The following UTRN variants were observed in gnomAD, a reference collection of about 807,000 sequenced individuals.
The protein encoded by UTRN is utrophin, also known as dystrophin-related protein 1.
In UTRN, 283 loss-of-function variants were observed where a neutral mutation model predicts 463.9. That is an observed-to-expected ratio of 0.61 (90% CI 0.55 to 0.67). The LOEUF is 0.67. UTRN is among the 30% of genes least tolerant of loss of function. UTRN has a pLI of 0.00. For synonymous variants in UTRN, 1,442 were observed against 1,431.5 expected, an observed-to-expected ratio of 1.01 and a Z score of -0.17; for missense variants, 3,922 against 4,084.3, an observed-to-expected ratio of 0.96 and a Z score of 1.08.
intron 2 of UTRN, among the ~76,000 whole-genome samples, chr6:144,325,023 C>A (rs1327979866): frequency 6.6e-6 from 1 of 152,138 alleles, no homozygotes; most frequent in African/African-American, 2.4e-5. Flanking sequence ...CACAGGAGAA[C>A]AGAGATTTAT....
chr6:144,521,838 T>C (rs989180464), intron 39 of UTRN, 142 bp from the exon 40 acceptor site: 2 of 380,078 alleles, frequency 5.3e-6, no homozygotes, highest in African/African-American at 2.1e-5. Context: ...AGGTTTATAA[T>C]ATAAAATATT....
intron 61 of UTRN, among the ~76,000 whole-genome samples, chr6:144,784,412 C>G (rs1476393813): frequency 3.9e-5 from 6 of 152,180 alleles, no homozygotes; most frequent in Admixed American, 2.0e-4. Context: ...TCGTCTTCTC[C>G]CTGTGTCTTC....
chr6:144,522,168 G>A lies in UTRN; in HGVS notation c.5730G>A (p.Leu1910=). Reference sequence around the variant, plus strand: ...ACTTCTCTTTTCAGGAAGACTCTCTGAAGGTAGACCTCTGGGCACTGTGTT... The same window carrying A: ...ACTTCTCTTTTCAGGAAGACTCTCTAAAGGTAGACCTCTGGGCACTGTGTT... ...YEDFSFQEDS[L]KNIKDQLDKL... The change falls in exon 40 of 75, where the codon CTG becomes CTA. Residue 1910 remains leucine (L), a synonymous_variant. Coordinates refer to ENST00000367545, the MANE Select transcript of UTRN (RefSeq NM_007124.3). 1 of 1,539,744 alleles carries A rather than the reference G, an allele frequency of 6.5e-7. No individual in the cohort carries two copies. Among genetic ancestry groups the A allele is most frequent in the Non-Finnish European group, 8.7e-7 (1 of 1,144,312 alleles).
chr6:144,730,545 A>G, intron 54 of UTRN, 59 bp downstream of exon 54: 1 of 1,460,278 alleles, frequency 6.8e-7, no homozygotes, highest in Non-Finnish European at 9.1e-7. Context: ...AAAAAACCCA[A>G]AATCAAGTAG....
intron 53 of UTRN, among the ~76,000 whole-genome samples, chr6:144,704,485 C>G (rs972297196): frequency 6.6e-6 from 1 of 152,144 alleles, no homozygotes; most frequent in African/African-American, 2.4e-5. Flanking sequence ...TGACACAGTA[C>G]AGAAAGGTGT....
At chr6:144,294,085 T>C (rs1404436812) in intron 2 of UTRN, among the ~76,000 whole-genome samples, 1 of 152,186 alleles carries the variant, frequency 6.6e-6, no homozygotes, top group East Asian at 1.9e-4. Context: ...GATTTATATT[T>C]TCTAAAGTTC....
intron 51 of UTRN, among the ~76,000 whole-genome samples, chr6:144,660,710 C>A (rs934075748): frequency 4.6e-5 from 7 of 152,218 alleles, no homozygotes; most frequent in Non-Finnish European, 1.0e-4. Flanking sequence ...CCGTGCACTG[C>A]CCTGTACAGC....
At chr6:144,658,514 G>A (rs1302212838) in intron 51 of UTRN, among the ~76,000 whole-genome samples, 1 of 151,952 alleles carries the variant, frequency 6.6e-6, no homozygotes. Context: ...TAGCCCTTTA[G>A]GAGATGCATA....
intron 23 of UTRN, 89 bp from the exon 24 acceptor site, chr6:144,473,631 G>T (rs1790889485): frequency 2.2e-6 from 2 of 897,514 alleles, no homozygotes; most frequent in Non-Finnish European, 1.7e-6. Flanking sequence ...GCTTTAAAAA[G>T]TTCCTTTGTT....
chr6:144,795,338 G>T (rs533588195), intron 63 of UTRN, among the ~76,000 whole-genome samples: 1 of 152,126 alleles, frequency 6.6e-6, no homozygotes, highest in Admixed American at 6.5e-5. Flanking sequence ...ACATACGTGC[G>T]CATGTGTCTT....
At chr6:144,681,549 C>T (rs935578354) in intron 52 of UTRN, among the ~76,000 whole-genome samples, 1 of 151,690 alleles carries the variant, frequency 6.6e-6, no homozygotes, top group Non-Finnish European at 1.5e-5. Flanking sequence ...GCTTTGGTGG[C>T]CTTTTGCCAG....
chr6:144,692,266 C>A (rs1210316687), intron 52 of UTRN, among the ~76,000 whole-genome samples: 1 of 152,120 alleles, frequency 6.6e-6, no homozygotes, highest in Admixed American at 6.5e-5. Flanking sequence ...TGTATATGTA[C>A]CACAGTTTTT....
At chr6:144,592,438 T>C (rs575074428) in intron 51 of UTRN, among the ~76,000 whole-genome samples, 61 of 152,228 alleles carry the variant, frequency 4.0e-4, no homozygotes, top group African/African-American at 1.4e-3. Context: ...TGGAGTAATC[T>C]CAGCTCACTG....
At chr6:144,600,361 T>C (rs1804116438) in intron 51 of UTRN, among the ~76,000 whole-genome samples, 1 of 152,226 alleles carries the variant, frequency 6.6e-6, no homozygotes, top group Non-Finnish European at 1.5e-5. Flanking sequence ...TTGGCCAAGT[T>C]GTGAATGCAA....
At chr6:144,403,301 G>T in intron 3 of UTRN, 117 bp downstream of exon 3, 1 of 813,392 alleles carries the variant, frequency 1.2e-6, no homozygotes, top group East Asian at 2.7e-5. Flanking sequence ...AGTCTTCTGA[G>T]TATGCAGATA....
intron 52 of UTRN, among the ~76,000 whole-genome samples, chr6:144,692,599 A>G (rs1251072086): frequency 1.3e-5 from 2 of 152,034 alleles, no homozygotes; most frequent in Non-Finnish European, 2.9e-5. Context: ...CTGGTGTGAG[A>G]TGGTATCTCA....
rs551114963 is a variant in UTRN, at chr6:144,343,692, A to G, written c.79+51785A>G. On this transcript the variant is annotated intron_variant, in intron 2 of 74. Coordinates refer to ENST00000367545, the MANE Select transcript of UTRN (RefSeq NM_007124.3). ...TAGTAGCGAATTCTAAGGGATGAAG[A>G]AGAAATCCTTTTCAGTTTTACTTCC... Among the ~76,000 whole-genome samples, 29 of 152,308 alleles carry G rather than the reference A, an allele frequency of 1.9e-4. 2 individuals carry two copies. In the South Asian group the frequency reaches 5.2e-3, roughly 27 times the overall value.
intron 58 of UTRN, among the ~76,000 whole-genome samples, chr6:144,759,965 T>A (rs965607023): frequency 1.3e-5 from 2 of 152,184 alleles, no homozygotes; most frequent in African/African-American, 4.8e-5. Context: ...ATCATCTGAT[T>A]TTTTTAAAAA....
intron 74 of UTRN, among the ~76,000 whole-genome samples, chr6:144,847,556 GT>G (rs1162232174): frequency 6.6e-6 from 1 of 152,138 alleles, no homozygotes; most frequent in Non-Finnish European, 1.5e-5. Context: ...TTAAGATAAG[GT>G]ATGCCTAGAG....
Sources: gnomAD v4.1 joint callset for allele counts (sites outside exome capture counted in the v4.1 genomes callset) on GRCh38, gnomAD v4.1.1 for gene constraint, MANE v1.5 for transcripts, NCBI Gene and HGNC (gene_info 2026-07-23, HGNC 2026-07-21) for gene names.